The following MICU3 variants were observed in gnomAD, a reference collection of about 807,000 sequenced individuals.
MICU3 encodes calcium uptake protein 3, mitochondrial.
Under a neutral mutation model 66.5 loss-of-function variants are expected in MICU3, and 62 were observed. That is an observed-to-expected ratio of 0.93 (90% CI 0.76 to 1.15). MICU3 has a LOEUF of 1.15. Ranked by LOEUF, MICU3 falls within the 50% of genes most tolerant of loss-of-function variation. The probability of loss-of-function intolerance (pLI) is 0.00; values close to 1 mark genes in which losing one functional copy is unlikely to be tolerated. For missense variants in MICU3, 779 were observed against 664.4 expected (o/e 1.17, Z -1.90); for synonymous variants, 308 against 240.7 (o/e 1.28, Z -2.59).
intron 1 of MICU3, among the ~76,000 whole-genome samples, chr8:17,049,036 C>T (rs1321754646): frequency 1.3e-5 from 2 of 152,050 alleles, no homozygotes; most frequent in Non-Finnish European, 2.9e-5. Context: ...GGATAACTTA[C>T]TCCATTTCTT....
intron 3 of MICU3, among the ~76,000 whole-genome samples, chr8:17,076,620 G>C (rs1820423816): frequency 6.6e-6 from 1 of 152,156 alleles, no homozygotes; most frequent in African/African-American, 2.4e-5. Context: ...TTTTCTTCCT[G>C]CTAGCTCAGC....
chr8:17,072,504 A>G (rs1044273514), intron 3 of MICU3, among the ~76,000 whole-genome samples: 47 of 152,068 alleles, frequency 3.1e-4, no homozygotes, highest in Middle Eastern at 6.8e-3. Flanking sequence ...ATTATTGGCA[A>G]TGTTTACTAA....
intron 5 of MICU3, among the ~76,000 whole-genome samples, chr8:17,082,258 G>C (rs1821300939): frequency 6.6e-6 from 1 of 152,118 alleles, no homozygotes; most frequent in South Asian, 2.1e-4. Flanking sequence ...ATAGTTTACT[G>C]TGTTCCAGCC....
chr8:17,035,145 C>T (rs1439410320), intron 1 of MICU3, among the ~76,000 whole-genome samples: 1 of 152,186 alleles, frequency 6.6e-6, no homozygotes, highest in African/African-American at 2.4e-5. Flanking sequence ...CCTCTTTCAC[C>T]TTTCGCCATG....
chr8:17,062,048 A>G (rs1817909445), intron 1 of MICU3, among the ~76,000 whole-genome samples: 1 of 152,170 alleles, frequency 6.6e-6, no homozygotes, highest in Non-Finnish European at 1.5e-5. Context: ...TCCTAAGACC[A>G]TTTGTTTACT....
intron 11 of MICU3, among the ~76,000 whole-genome samples, chr8:17,109,344 A>G (rs1433526719): frequency 6.6e-6 from 1 of 152,158 alleles, no homozygotes; most frequent in Non-Finnish European, 1.5e-5. Flanking sequence ...CTACAGATTT[A>G]TTCACTCATG....
intron 1 of MICU3, among the ~76,000 whole-genome samples, chr8:17,063,693 T>A (rs1818224840): frequency 6.6e-6 from 1 of 152,188 alleles, no homozygotes; most frequent in Non-Finnish European, 1.5e-5. Flanking sequence ...GTGAATAGAC[T>A]TGTAATTAAA....
intron 1 of MICU3, among the ~76,000 whole-genome samples, chr8:17,043,007 C>G (rs955426863): frequency 7.3e-6 from 1 of 137,848 alleles, no homozygotes; most frequent in African/African-American, 2.9e-5. Context: ...TGGCGCTATC[C>G]CGGCTCACTG....
chr8:17,102,600 C>A (rs796962940), intron 9 of MICU3: 3 of 152,018 alleles, frequency 2.0e-5, no homozygotes, highest in African/African-American at 7.2e-5. Flanking sequence ...GTTCTGGGGA[C>A]AGTAATGCCT....
At chr8:17,093,742 T>C (rs1800339721) in intron 8 of MICU3, among the ~76,000 whole-genome samples, 1 of 151,994 alleles carries the variant, frequency 6.6e-6, no homozygotes, top group African/African-American at 2.4e-5. Context: ...GAAATGTTTT[T>C]TGCCGTAAAA....
chr8:17,077,643 ACAGG>A, intron 3 of MICU3, 136 bp from the exon 4 acceptor site: 1 of 531,356 alleles, frequency 1.9e-6, no homozygotes, highest in Non-Finnish European at 3.3e-6. Flanking sequence ...TGAATGAACC[ACAGG>A]CATAACATAG....
chr8:17,101,892 T>C (rs891291897), intron 9 of MICU3, among the ~76,000 whole-genome samples: 1 of 151,946 alleles, frequency 6.6e-6, no homozygotes, highest in African/African-American at 2.4e-5. Flanking sequence ...CAAAAATACA[T>C]AATAACAGCT....
At chr8:17,110,390 GC>G (rs1802085030) in intron 11 of MICU3, among the ~76,000 whole-genome samples, 1 of 151,990 alleles carries the variant, frequency 6.6e-6, no homozygotes, top group Non-Finnish European at 1.5e-5. Flanking sequence ...CCAAAAGTAA[GC>G]CCCGTACCTA....
In MICU3 at chr8:17,073,121, T is replaced by C. The variant is rs114826709; in HGVS notation, c.567+3402T>C. Among the ~76,000 whole-genome samples, 886 of 152,304 alleles carry C rather than the reference T, an allele frequency of 5.8e-3. 10 individuals carry two copies. The highest frequency in any genetic ancestry group is 0.02 in the African/African-American group (849 of 41,572). On this transcript the variant is annotated intron_variant, in intron 3 of 14. Transcript: ENST00000318063. ...ACCCAGGCTGGGGTATATTTACTTTTGAGTGAAATTTGGCAATACCTAATA... is the reference window on the plus strand; with the variant it reads ...ACCCAGGCTGGGGTATATTTACTTTCGAGTGAAATTTGGCAATACCTAATA...
intron 3 of MICU3, among the ~76,000 whole-genome samples, chr8:17,076,102 C>G (rs2150699791): frequency 6.6e-6 from 1 of 152,228 alleles, no homozygotes; most frequent in East Asian, 1.9e-4. Flanking sequence ...TCATGGCTCA[C>G]TATAGCCTCG....
chr8:17,055,782 A>G (rs940179500), intron 1 of MICU3, among the ~76,000 whole-genome samples: 1 of 152,188 alleles, frequency 6.6e-6, no homozygotes, highest in Non-Finnish European at 1.5e-5. Context: ...CTTATGTGAG[A>G]AAGAAAGACA....
At chr8:17,106,589 T>A (rs1051698002) in intron 11 of MICU3, among the ~76,000 whole-genome samples, 3 of 151,420 alleles carry the variant, frequency 2.0e-5, no homozygotes, top group Non-Finnish European at 4.4e-5. Context: ...AATATTAAAA[T>A]CTGTAACTTA....
rs144389869 is a variant in MICU3, at chr8:17,101,040, G to A, written c.984+2487G>A. Among the ~76,000 whole-genome samples, 535 of 151,772 alleles carry A rather than the reference G, an allele frequency of 3.5e-3. 3 individuals carry two copies. The highest frequency in any genetic ancestry group is 0.012 in the African/African-American group (507 of 41,434). On this transcript the variant is annotated intron_variant, in intron 9 of 14. Transcript: ENST00000318063. ...ATTTCCTCTAGCCCTTCGATACCTC[G>A]TAGGGTTATTATCACATTATAATCA...
At chr8:17,107,704 GC>G (rs1801858107) in intron 11 of MICU3, among the ~76,000 whole-genome samples, 1 of 152,144 alleles carries the variant, frequency 6.6e-6, no homozygotes, top group Admixed American at 6.5e-5. Context: ...AGACCATGTA[GC>G]CAGTAAAAAT....
Sources: allele counts gnomAD v4.1 joint callset (sites outside exome capture counted in the v4.1 genomes callset), GRCh38; gene constraint gnomAD v4.1.1; transcripts MANE v1.5; gene names NCBI Gene and HGNC (gene_info 2026-07-23, HGNC 2026-07-21).